ATP6V1G1: variants seen among roughly 807,000 people sequenced by gnomAD.
The protein encoded by ATP6V1G1 is ATPase H+ transporting V1 subunit G1, also known as V-type proton ATPase subunit G 1.
ATP6V1G1 carries 14 observed loss-of-function variants against 14.2 expected under a neutral mutation model. The observed-to-expected ratio is 0.99, with a 90% CI of 0.65 to 1.55. The LOEUF (loss-of-function observed/expected upper bound fraction) is 1.55. ATP6V1G1 is among the 40% of genes most tolerant of loss of function. The probability of loss-of-function intolerance (pLI) is 0.00; values close to 1 mark genes in which losing one functional copy is unlikely to be tolerated. For missense variants in ATP6V1G1, 137 were observed against 146.4 expected (o/e 0.94, Z 0.33); for synonymous variants, 65 against 53.3 (o/e 1.22, Z -0.96).
At chr9:114,592,714 TCAGAATA>T in intron 2 of ATP6V1G1, 62 bp downstream of exon 2, 1 of 1,508,400 alleles carries the variant, frequency 6.6e-7, no homozygotes, top group Non-Finnish European at 9.0e-7. Flanking sequence ...GCCAAGGCTT[TCAGAATA>T]TCCAGCATAG....
intron 2 of ATP6V1G1, among the ~76,000 whole-genome samples, chr9:114,593,301 A>G (rs912374500): frequency 6.6e-6 from 1 of 152,168 alleles, no homozygotes; most frequent in African/African-American, 2.4e-5. Context: ...GTATTGGCCT[A>G]TATAATTAAA....
chr9:114,597,688 C>G lies in ATP6V1G1; in HGVS notation c.302C>G (p.Ala101Gly). Reference protein sequence around the residue: ...NRDEVLDNLLAFVCDIRPEIH... With the variant: ...NRDEVLDNLLGFVCDIRPEIH... ...GATGAAGTCTTGGACAACCTCTTGGCTTTTGTCTGTGACATTCGGCCAGAA... is the reference window on the plus strand; with the variant it reads ...GATGAAGTCTTGGACAACCTCTTGGGTTTTGTCTGTGACATTCGGCCAGAA... The change falls in exon 3 of 3, where the codon GCT (alanine) becomes GGT (glycine). Residue 101 changes from alanine to glycine, a missense_variant. Physicochemically the swap from Ala to Gly is moderately conservative, Grantham distance 60. Coordinates refer to ENST00000374050, the MANE Select transcript of ATP6V1G1 (RefSeq NM_004888.4). The G allele has an allele frequency of 6.3e-7, 1 of 1,591,638 alleles. No individual in the cohort carries two copies. Among genetic ancestry groups the G allele is most frequent in the South Asian group, 1.1e-5 (1 of 87,304 alleles).
rs1845257119 is a variant in ATP6V1G1, at chr9:114,597,902, T to C, written c.*159T>C. 1 of 575,224 alleles carries C rather than the reference T, an allele frequency of 1.7e-6. No individual in the cohort carries two copies. The allele number at this position is 575,224 out of a possible 1,614,324, so 35.6% of individuals were successfully genotyped here. A position where few individuals can be genotyped will look rare whatever the true frequency, so the allele number is the denominator to read the frequency against. On this transcript the variant is annotated 3_prime_UTR_variant, in exon 3 of 3. Transcript: ENST00000374050. ...TTTTTGGAGAGTAGCAAATCTAGCTTTTTTGTACAGACTTAGAAATTATCT... is the reference window on the plus strand; with the variant it reads ...TTTTTGGAGAGTAGCAAATCTAGCTCTTTTGTACAGACTTAGAAATTATCT...
chr9:114,596,044 A>T lies in ATP6V1G1; in HGVS notation c.184-1526A>T, dbSNP rs1845234264. ...AAAAGCTGGCTGTATTGTGAAGATC[A>T]TAGAAAGTAAAAGAAAATTCATGTC... On this transcript the variant is annotated intron_variant, in intron 2 of 2. Transcript: ENST00000374050. Among the ~76,000 whole-genome samples, 3 of 152,188 alleles carry T rather than the reference A, an allele frequency of 2.0e-5. No homozygotes were observed. In the South Asian group the frequency reaches 6.2e-4, roughly 31 times the overall value.
chr9:114,592,767 G>A (rs1462204596), intron 2 of ATP6V1G1, 115 bp downstream of exon 2: 1 of 1,108,894 alleles, frequency 9.0e-7, no homozygotes, highest in African/African-American at 1.6e-5. Flanking sequence ...AAATGTGGTA[G>A]CTGTGTGTTT....
At chr9:114,594,476 C>G (rs1244936714) in intron 2 of ATP6V1G1, among the ~76,000 whole-genome samples, 2 of 151,944 alleles carry the variant, frequency 1.3e-5, no homozygotes, top group East Asian at 3.9e-4. Flanking sequence ...CTCCACCTCC[C>G]AGGTTCAAAT....
rs779781093 is a variant in ATP6V1G1, at chr9:114,587,868, G to A, written c.30G>A (p.Gln10=). 4 of 1,594,190 alleles carry A rather than the reference G, an allele frequency of 2.5e-6. No homozygotes were observed. Among genetic ancestry groups the A allele is most frequent in the Non-Finnish European group, 3.4e-6 (4 of 1,171,148 alleles). The change falls in exon 1 of 3, where the codon CAG becomes CAA. Residue 10 remains glutamine, a synonymous_variant. Coordinates refer to ENST00000374050, the MANE Select transcript of ATP6V1G1 (RefSeq NM_004888.4). The part of the protein sequence containing the change: MASQSQGIQ[Q]LLQAEKRAAE... Reference sequence around the variant, plus strand: ...CTAGTCAGTCTCAGGGGATTCAGCAGCTGCTGCAGGCCGAGAAGCGGGCAG... The same window carrying A: ...CTAGTCAGTCTCAGGGGATTCAGCAACTGCTGCAGGCCGAGAAGCGGGCAG...
chr9:114,596,374 C>G lies in ATP6V1G1; in HGVS notation c.184-1196C>G, dbSNP rs1589314191. ...CTGCACTCCAGCCTGGACGACAGAG[C>G]GAGACTCCAACTCAAAAAAAAAAAA... On this transcript the variant is annotated intron_variant, in intron 2 of 2. Coordinates refer to ENST00000374050, the MANE Select transcript of ATP6V1G1 (RefSeq NM_004888.4). Among the ~76,000 whole-genome samples the G allele has an allele frequency of 1.5e-5, 2 of 136,746 alleles. 1 individual carries two copies. Among genetic ancestry groups the G allele is most frequent in the South Asian group, 4.6e-4 (2 of 4,364 alleles). 89.7% of individuals were successfully genotyped at this position (136,746 alleles called of 152,430 possible). A position where few individuals can be genotyped will look rare whatever the true frequency, so the allele number is the denominator to read the frequency against.
chr9:114,595,657 A>C (rs1007509593), intron 2 of ATP6V1G1, among the ~76,000 whole-genome samples: 3 of 152,048 alleles, frequency 2.0e-5, no homozygotes, highest in Admixed American at 6.5e-5. Flanking sequence ...CCATCTCTTA[A>C]GAGAAAATGG....
intron 1 of ATP6V1G1, among the ~76,000 whole-genome samples, chr9:114,591,804 C>G (rs1564274133): frequency 2.0e-5 from 3 of 151,610 alleles, no homozygotes; most frequent in Admixed American, 1.3e-4. Flanking sequence ...TCTAGAACCT[C>G]TCTTTTTTTT....
chr9:114,592,445 C>T lies in ATP6V1G1; in HGVS notation c.83-107C>T, dbSNP rs543507200. The stretch of plus-strand genomic sequence containing the variant: ...TCTTTCCCATGCACATCTCTTCGGA[C>T]TGTGTCATAATTTATTCTTGGCTTA... On this transcript the variant is annotated intron_variant, in intron 1 of 2. Coordinates refer to ENST00000374050, the MANE Select transcript of ATP6V1G1 (RefSeq NM_004888.4). 1.4e-5 allele frequency: 16 copies of T among 1,105,438 alleles called. No homozygotes were observed. The East Asian group carries it at 4.0e-4, about 27-fold the overall frequency. The allele number at this position is 1,105,438 out of a possible 1,614,324, so 68.5% of individuals were successfully genotyped here.
At position 114,597,051 on chromosome 9, in the gene ATP6V1G1, C is replaced by T. The variant is rs535162915; in HGVS notation, c.184-519C>T. ...TGTCGCCCAGGCTGGAGTGCAGTGG[C>T]GCGATCTTGGCTCACTGCAAGCTCC... On this transcript the variant is annotated intron_variant, in intron 2 of 2. Coordinates refer to ENST00000374050, the MANE Select transcript of ATP6V1G1 (RefSeq NM_004888.4). 1.8e-4 allele frequency among the ~76,000 whole-genome samples: 24 copies of T among 135,524 alleles called. No individual in the cohort carries two copies. In the South Asian group the frequency reaches 3.3e-3, roughly 18 times the overall value. The allele number at this position is 135,524 out of a possible 152,430, so 88.9% of individuals were successfully genotyped here.
intron 1 of ATP6V1G1, among the ~76,000 whole-genome samples, chr9:114,590,814 G>C (rs1845175473): frequency 6.6e-6 from 1 of 151,638 alleles, no homozygotes; most frequent in Non-Finnish European, 1.5e-5. Context: ...ATTTTTTTGA[G>C]ATGGATTCTC....
rs944933842 is a variant in ATP6V1G1, at chr9:114,588,105, C to T, written c.82+185C>T. 7.7e-6 allele frequency: 5 copies of T among 649,124 alleles called. No homozygotes were observed. The African/African-American group carries it at 9.1e-5, about 12-fold the overall frequency. 40.2% of individuals were successfully genotyped at this position (649,124 alleles called of 1,614,324 possible). On this transcript the variant is annotated intron_variant, in intron 1 of 2. Transcript: ENST00000374050. ...GAAGGCTTGCGGATCGCCTGGAAGC[C>T]ACGATGTGAGATGGTAAATTGGGCG...
At chr9:114,593,448 G>T (rs1388558991) in intron 2 of ATP6V1G1, among the ~76,000 whole-genome samples, 1 of 152,098 alleles carries the variant, frequency 6.6e-6, no homozygotes, top group Admixed American at 6.6e-5. Flanking sequence ...GTGAGTAAAG[G>T]CACATACCTC....
chr9:114,587,884 A>C lies in ATP6V1G1; in HGVS notation c.46A>C (p.Lys16Gln). ...GATTCAGCAGCTGCTGCAGGCCGAG[A>C]AGCGGGCAGCCGAGAAGGTGTCCGA... ...QGIQQLLQAE[K>Q]RAAEKVSEAR... Residue 16 changes from lysine to glutamine, a missense_variant, in exon 1 of 3, where the codon AAG becomes CAG. Lys to Gln is a moderately conservative substitution (Grantham distance 53). Transcript: ENST00000374050. The C allele has an allele frequency of 1.3e-6, 2 of 1,592,196 alleles. No homozygotes were observed. Among genetic ancestry groups the C allele is most frequent in the Non-Finnish European group, 1.7e-6 (2 of 1,170,028 alleles).
chr9:114,590,917 G>A (rs57308102), intron 1 of ATP6V1G1, among the ~76,000 whole-genome samples: 1,954 of 151,820 alleles, frequency 0.013, 40 homozygotes, highest in African/African-American at 0.043. Context: ...TGCCTCAGCC[G>A]CCCGAGTAGC....
At chr9:114,589,042 C>T (rs1845158044) in intron 1 of ATP6V1G1, among the ~76,000 whole-genome samples, 2 of 152,184 alleles carry the variant, frequency 1.3e-5, no homozygotes, top group Non-Finnish European at 2.9e-5. Flanking sequence ...GCTGTTTCTT[C>T]TGACGTGAGA....
chr9:114,591,596 C>T (rs527239406), intron 1 of ATP6V1G1, among the ~76,000 whole-genome samples: 2 of 152,256 alleles, frequency 1.3e-5, no homozygotes, highest in African/African-American at 4.8e-5. Context: ...AGACTAGCAT[C>T]AGGGAATGTT....
Sources: allele counts gnomAD v4.1 joint callset (sites outside exome capture counted in the v4.1 genomes callset), GRCh38; gene constraint gnomAD v4.1.1; transcripts MANE v1.5; gene names NCBI Gene and HGNC (gene_info 2026-07-23, HGNC 2026-07-21).